Variants in RGS3 observed in about 807,000 individuals in gnomAD.
RGS3 encodes regulator of G protein signaling 3.
A neutral mutation model predicts 132.6 loss-of-function variants in RGS3; 80 were observed. That is an observed-to-expected ratio of 0.60 (90% confidence interval 0.50 to 0.73). The LOEUF is 0.73. Ranked by LOEUF, RGS3 falls within the 30% of genes least tolerant of loss-of-function variation. RGS3 has a pLI of 0.00. For synonymous variants in RGS3, 598 were observed against 620.6 expected, an observed-to-expected ratio of 0.96 and a Z score of 0.54; for missense variants, 1,382 against 1,530.8, an observed-to-expected ratio of 0.90 and a Z score of 1.62.
At chr9:113,509,156 G>A (rs1240531251) in intron 14 of RGS3, among the ~76,000 whole-genome samples, 2 of 152,062 alleles carry the variant, frequency 1.3e-5, no homozygotes, top group Admixed American at 1.3e-4. Context: ...GTGGTGGTGT[G>A]CGCCAATAGT....
At chr9:113,478,546 T>C (rs1386039063) in intron 3 of RGS3, among the ~76,000 whole-genome samples, 26 of 152,154 alleles carry the variant, frequency 1.7e-4, no homozygotes, top group Non-Finnish European at 1.9e-4. Context: ...TGGTGGCTCA[T>C]ACCTGTAATC....
chr9:113,450,388 G>A (rs1168453075), intron 1 of RGS3, among the ~76,000 whole-genome samples: 1 of 152,222 alleles, frequency 6.6e-6, no homozygotes, highest in Non-Finnish European at 1.5e-5. Flanking sequence ...GCTTTTTAAA[G>A]CATGTGCCAG....
intron 1 of RGS3, among the ~76,000 whole-genome samples, chr9:113,445,347 C>T (rs138630431): frequency 6.6e-6 from 1 of 151,892 alleles, no homozygotes; most frequent in Non-Finnish European, 1.5e-5. Context: ...TACAGGTGCC[C>T]ACCACCATGC....
intron 15 of RGS3, among the ~76,000 whole-genome samples, chr9:113,516,987 G>A (rs532776140): frequency 6.6e-6 from 1 of 152,352 alleles, no homozygotes; most frequent in African/African-American, 2.4e-5. Flanking sequence ...GCTGGGCTGG[G>A]CAAGGTGAGG....
At chr9:113,452,170 T>A (rs565822170) in intron 1 of RGS3, among the ~76,000 whole-genome samples, 1 of 152,118 alleles carries the variant, frequency 6.6e-6, no homozygotes, top group South Asian at 2.1e-4. Context: ...GGTTACTTTT[T>A]AAATTTTTTT....
chr9:113,522,308 A>C (rs1831993943), intron 16 of RGS3: 1 of 152,288 alleles, frequency 6.6e-6, no homozygotes, highest in African/African-American at 2.4e-5. Context: ...GTGGCGCTTT[A>C]CTAGGTCTGC....
At chr9:113,597,341 T>A (rs1217912790) in exon 25 of RGS3, 3 of 167,912 alleles carry the variant, frequency 1.8e-5, no homozygotes, top group Admixed American at 5.9e-5. Context: ...TAGAGGGCCA[T>A]TGGAGCTTGC....
intron 4 of RGS3, among the ~76,000 whole-genome samples, chr9:113,480,836 A>G (rs1328290179): frequency 1.3e-5 from 2 of 152,226 alleles, no homozygotes; most frequent in African/African-American, 2.4e-5. Context: ...CATCCGGCAC[A>G]TGAATAGTTA....
chr9:113,534,145 ATAT>A, intron 18 of RGS3, among the ~76,000 whole-genome samples: 1 of 152,266 alleles, frequency 6.6e-6, no homozygotes, highest in South Asian at 2.1e-4. Context: ...AAGTCCCTAG[ATAT>A]TATCAGCTGA....
chr9:113,565,166 G>A lies in RGS3; in HGVS notation c.2038-18284G>A. On this transcript the variant is annotated intron_variant, in intron 19 of 24. Coordinates refer to ENST00000350696, the Ensembl canonical transcript of RGS3. The surrounding 1 kb of genome is among the most constrained non-coding windows in gnomAD (Gnocchi z 5.7). ...CACAGGGGACCCACAGCCTATGCGT[G>A]TGAGCATGTAACCCGGGAGCCAGCT... 8.2e-7 allele frequency: 1 copy of A among 1,224,804 alleles called. No individual in the cohort carries two copies. Among genetic ancestry groups the A allele is most frequent in the South Asian group, 1.4e-5 (1 of 69,568 alleles). The allele number at this position is 1,224,804 out of a possible 1,614,324, so 75.9% of individuals were successfully genotyped here.
intron 19 of RGS3, chr9:113,581,006 G>A (rs1834776502): frequency 1.1e-6 from 1 of 926,092 alleles, no homozygotes; most frequent in Admixed American, 6.2e-5. Context: ...ACTATCAGAG[G>A]CAGGTGGCTG....
At chr9:113,543,633 G>C (rs1004902314) in intron 19 of RGS3, among the ~76,000 whole-genome samples, 3 of 152,248 alleles carry the variant, frequency 2.0e-5, no homozygotes, top group Admixed American at 1.3e-4. Flanking sequence ...AGGCACAGGA[G>C]ACTCGCCTGT....
chr9:113,447,323 GTATATGTATATATA>G lies in RGS3; in HGVS notation c.-13+2402_-13+2415del, dbSNP rs1829126869. Among the ~76,000 whole-genome samples the G allele has an allele frequency of 5.1e-4, 15 of 29,422 alleles. 1 individual carries two copies. Among genetic ancestry groups the G allele is most frequent in the African/African-American group, 1.3e-3 (15 of 11,234 alleles). 19.3% of individuals were successfully genotyped at this position (29,422 alleles called of 152,430 possible). A position where few individuals can be genotyped will look rare whatever the true frequency, so the allele number is the denominator to read the frequency against. Reference sequence around the variant, plus strand: ...TGTAAACCAATAAATTCTGATGTATGTATATGTATATATATATATATATATATATATATATATAG... The same window carrying G: ...TGTAAACCAATAAATTCTGATGTATGTATATATATATATATATATATATAG... On this transcript the variant is annotated intron_variant, in intron 1 of 25. Transcript: ENST00000374140.
chr9:113,561,170 C>T (rs1833764265), intron 19 of RGS3, among the ~76,000 whole-genome samples: 1 of 152,070 alleles, frequency 6.6e-6, no homozygotes, highest in Admixed American at 6.6e-5. Context: ...ATTAGAGGCA[C>T]ATGCCACCAT....
chr9:113,543,281 C>T (rs1257244639), intron 19 of RGS3, among the ~76,000 whole-genome samples: 1 of 152,208 alleles, frequency 6.6e-6, no homozygotes, highest in Non-Finnish European at 1.5e-5. Context: ...TGAGCTTGCT[C>T]AGCTGCTATG....
chr9:113,576,727 CA>C (rs914248664), intron 19 of RGS3, among the ~76,000 whole-genome samples: 6 of 152,308 alleles, frequency 3.9e-5, no homozygotes, highest in Non-Finnish European at 8.8e-5. Context: ...TCCAGGGCTA[CA>C]GAATTTGGAC....
intron 16 of RGS3, among the ~76,000 whole-genome samples, chr9:113,521,092 G>A (rs969818456): frequency 6.6e-6 from 1 of 152,180 alleles, no homozygotes; most frequent in South Asian, 2.1e-4. Flanking sequence ...GAAAGGAAGC[G>A]TTCAACACTT....
Position 113,584,443 on chromosome 9 carries a change from G to C in RGS3, c.3015+16G>C, listed in dbSNP as rs192417274. 2,725 of 1,503,182 alleles carry C rather than the reference G, an allele frequency of 1.8e-3. 4 individuals are homozygous for C. Among genetic ancestry groups the C allele is most frequent in the Non-Finnish European group, 2.2e-3 (2,443 of 1,133,864 alleles). 93.1% of individuals were successfully genotyped at this position (1,503,182 alleles called of 1,614,324 possible). On this transcript the variant is annotated intron_variant, in intron 20 of 24. Transcript: ENST00000350696. Reference sequence around the variant, plus strand: ...ACACAGGAAGGTGAGAAAGCTAAAGGGGGAGGGAGAAGGATACATGCAATG... The same window carrying C: ...ACACAGGAAGGTGAGAAAGCTAAAGCGGGAGGGAGAAGGATACATGCAATG...
intron 19 of RGS3, among the ~76,000 whole-genome samples, chr9:113,553,774 C>T (rs1564563072): frequency 1.3e-5 from 2 of 151,756 alleles, no homozygotes; most frequent in Admixed American, 6.6e-5. Flanking sequence ...ACCCTGGAGA[C>T]GGAGGTTGCA....
Sources: gnomAD v4.1 joint callset for allele counts (sites outside exome capture counted in the v4.1 genomes callset) on GRCh38, gnomAD v4.1.1 for gene constraint, Gnocchi (gnomAD v3.1) non-coding constraint, MANE v1.5 for transcripts, NCBI Gene and HGNC (gene_info 2026-07-23, HGNC 2026-07-21) for gene names.